Variants in AGMO observed in about 807,000 individuals in gnomAD.
AGMO encodes the protein glyceryl-ether monooxygenase.
A neutral mutation model predicts 60.2 loss-of-function variants in AGMO; 75 were observed. The ratio of observed to expected loss-of-function variants is 1.25; its 90% CI spans 1.03 to 1.51. The LOEUF is 1.51. AGMO is among the 40% of genes most tolerant of loss of function. AGMO has a pLI of 0.00. For synonymous variants in AGMO, 261 were observed against 177.1 expected, an observed-to-expected ratio of 1.47 and a Z score of -3.76; for missense variants, 763 against 525.5, an observed-to-expected ratio of 1.45 and a Z score of -4.42.
intron 5 of AGMO, among the ~76,000 whole-genome samples, chr7:15,395,523 A>T (rs962471030): frequency 6.6e-6 from 1 of 152,214 alleles, no homozygotes; most frequent in African/African-American, 2.4e-5. Context: ...ATTTTGTTAG[A>T]AAATGCATTT....
At chr7:15,209,540 A>C (rs1781527766) in intron 12 of AGMO, among the ~76,000 whole-genome samples, 1 of 152,210 alleles carries the variant, frequency 6.6e-6, no homozygotes, top group Non-Finnish European at 1.5e-5. Context: ...TTAGAGCCCC[A>C]GTAAATGGGA....
chr7:15,449,931 T>C (rs1174341631), intron 3 of AGMO, among the ~76,000 whole-genome samples: 2 of 152,144 alleles, frequency 1.3e-5, no homozygotes, highest in Non-Finnish European at 2.9e-5. Flanking sequence ...ACCACTTAAA[T>C]CACATTTTAA....
chr7:15,529,323 T>A (rs1333206393), intron 3 of AGMO, among the ~76,000 whole-genome samples: 1 of 150,944 alleles, frequency 6.6e-6, no homozygotes, highest in East Asian at 2.0e-4. Flanking sequence ...TTACTGTTAA[T>A]GTAACTTCAA....
chr7:15,248,699 G>C (rs1160859606), intron 12 of AGMO, among the ~76,000 whole-genome samples: 1 of 152,144 alleles, frequency 6.6e-6, no homozygotes, highest in Non-Finnish European at 1.5e-5. Context: ...TTTTGGGCTA[G>C]AACATAGGCT....
intron 12 of AGMO, among the ~76,000 whole-genome samples, chr7:15,312,209 A>G (rs1780787033): frequency 6.6e-6 from 1 of 152,160 alleles, no homozygotes; most frequent in African/African-American, 2.4e-5. Flanking sequence ...ATATCAGAAG[A>G]GTAAAAAGCT....
intron 12 of AGMO, among the ~76,000 whole-genome samples, chr7:15,311,239 CA>C (rs1780762006): frequency 6.6e-6 from 1 of 152,052 alleles, no homozygotes; most frequent in South Asian, 2.1e-4. Context: ...GCCCCAAATC[CA>C]AACAAATATG....
intron 12 of AGMO, among the ~76,000 whole-genome samples, chr7:15,330,553 G>C (rs1446200155): frequency 6.6e-6 from 1 of 152,056 alleles, no homozygotes; most frequent in Non-Finnish European, 1.5e-5. Context: ...TTTGAGGTTA[G>C]GCACTCCCTT....
intron 10 of AGMO, among the ~76,000 whole-genome samples, chr7:15,367,408 G>C (rs1159017683): frequency 6.6e-6 from 1 of 151,658 alleles, no homozygotes; most frequent in Non-Finnish European, 1.5e-5. Flanking sequence ...CTTTAATTTT[G>C]TTACATTCCC....
intron 12 of AGMO, among the ~76,000 whole-genome samples, chr7:15,241,352 C>A (rs1363225493): frequency 1.4e-5 from 2 of 144,798 alleles, no homozygotes; most frequent in Non-Finnish European, 3.0e-5. Context: ...CCCAGCTACT[C>A]GGGAGGCTGA....
intron 12 of AGMO, among the ~76,000 whole-genome samples, chr7:15,256,029 A>G (rs1783090431): frequency 6.6e-6 from 1 of 152,220 alleles, no homozygotes; most frequent in African/African-American, 2.4e-5. Context: ...TGGTATAGTG[A>G]AAAGATTATT....
intron 3 of AGMO, among the ~76,000 whole-genome samples, chr7:15,505,140 G>T (rs1341868045): frequency 6.6e-6 from 1 of 151,934 alleles, no homozygotes; most frequent in Admixed American, 6.6e-5. Context: ...ATCATCTATT[G>T]CCAAACTACT....
chr7:15,304,844 T>A (rs1176878539), intron 12 of AGMO, among the ~76,000 whole-genome samples: 2 of 151,968 alleles, frequency 1.3e-5, no homozygotes, highest in Non-Finnish European at 2.9e-5. Flanking sequence ...ATCTGAGGCA[T>A]TATTATTATT....
At chr7:15,555,623 T>G (rs1432403189) in intron 2 of AGMO, among the ~76,000 whole-genome samples, 1 of 151,892 alleles carries the variant, frequency 6.6e-6, no homozygotes, top group Non-Finnish European at 1.5e-5. Flanking sequence ...ACAGCAACCA[T>G]AAAACCATAA....
intron 12 of AGMO, among the ~76,000 whole-genome samples, chr7:15,213,643 G>A (rs1781657566): frequency 1.3e-5 from 2 of 151,872 alleles, no homozygotes; most frequent in South Asian, 4.1e-4. Flanking sequence ...GAATGGAAGA[G>A]ACAGATTCCA....
chr7:15,412,491 C>A (rs919913504), intron 5 of AGMO, among the ~76,000 whole-genome samples: 2 of 151,812 alleles, frequency 1.3e-5, no homozygotes, highest in Admixed American at 6.6e-5. Context: ...GCCCTCAAAG[C>A]CTGGCTGACT....
intron 3 of AGMO, among the ~76,000 whole-genome samples, chr7:15,483,007 T>C (rs1782801894): frequency 2.0e-5 from 3 of 152,170 alleles, no homozygotes; most frequent in Non-Finnish European, 4.4e-5. Flanking sequence ...ATCTTTAAAA[T>C]ACTCCTTTAT....
chr7:15,164,396 CTTAA>C, the AGMO span, among the ~76,000 whole-genome samples: 1 of 151,982 alleles, frequency 6.6e-6, no homozygotes, highest in Non-Finnish European at 1.5e-5. Context: ...ACAAATGGGA[CTTAA>C]TTAAACTAAA....
At chr7:15,118,254 CATTCAATGG>C in the AGMO span, among the ~76,000 whole-genome samples, 1 of 151,060 alleles carries the variant, frequency 6.6e-6, no homozygotes, top group Non-Finnish European at 1.5e-5. Context: ...ATCCAAAATT[CATTCAATGG>C]AATACAATTC....
intron 3 of AGMO, among the ~76,000 whole-genome samples, chr7:15,511,194 C>T (rs1243580426): frequency 6.6e-6 from 1 of 152,056 alleles, no homozygotes; most frequent in African/African-American, 2.4e-5. Flanking sequence ...AGGTGCCATC[C>T]TATCACAGGG....
Sources: allele counts gnomAD v4.1 joint callset (sites outside exome capture counted in the v4.1 genomes callset), GRCh38; gene constraint gnomAD v4.1.1; transcripts MANE v1.5; gene names NCBI Gene and HGNC (gene_info 2026-07-23, HGNC 2026-07-21).